The following ZNF563 variants were observed in gnomAD, a reference collection of about 807,000 sequenced individuals.
The protein encoded by ZNF563 is zinc finger protein 563.
In ZNF563, 39 loss-of-function variants were observed where a neutral mutation model predicts 48.5. That is an observed-to-expected ratio of 0.80 (90% confidence interval 0.62 to 1.05). The LOEUF is 1.05. Ranked by LOEUF, ZNF563 falls within the 50% of genes least tolerant of loss-of-function variation. The pLI is 0.00. For missense variants in ZNF563, 538 were observed against 597.0 expected, an observed-to-expected ratio of 0.90 and a Z score of 1.03; for synonymous variants, 168 against 187.9, an observed-to-expected ratio of 0.89 and a Z score of 0.87.
At chr19:12,322,742 G>A (rs767751249) in intron 1 of ZNF563, 31 bp from the exon 2 acceptor site, 2 of 1,557,556 alleles carry the variant, frequency 1.3e-6, no homozygotes, top group Admixed American at 4.0e-5. Flanking sequence ...AGAGGAGAAA[G>A]GTTGAGTGAC....
At chr19:12,321,592 G>A (rs1051445591) in intron 2 of ZNF563, among the ~76,000 whole-genome samples, 1 of 152,058 alleles carries the variant, frequency 6.6e-6, no homozygotes. Context: ...CTACAGATGC[G>A]TGCCACCACA....
upstream of ZNF563, among the ~76,000 whole-genome samples, chr19:12,337,168 A>T (rs1399522482): frequency 6.6e-6 from 1 of 152,076 alleles, no homozygotes; most frequent in Non-Finnish European, 1.5e-5. Flanking sequence ...TGTGTGAATA[A>T]TATTAATGTC....
the ZNF563 span, among the ~76,000 whole-genome samples, chr19:12,341,048 T>G: frequency 0.049 from 7,406 of 152,184 alleles, 591 homozygotes; most frequent in African/African-American, 0.17. Flanking sequence ...ATAAAACCTA[T>G]TATTTTTATT....
rs374824678 is a variant in ZNF563 at position 12,329,179 on chromosome 19, G to C, written c.3+4301C>G. Among the ~76,000 whole-genome samples, 49 of 152,190 alleles carry C rather than the reference G, an allele frequency of 3.2e-4. No individual in the cohort carries two copies. The South Asian group carries it at 7.9e-3, about 24-fold the overall frequency. On this transcript the variant is annotated intron_variant, in intron 1 of 3. Coordinates refer to ENST00000293725, the MANE Select transcript of ZNF563 (RefSeq NM_145276.3). ...TGAAATAGCAATCAAGAAATCAATA[G>C]AAAACATCAACAGGCTGGGCGCGTT...
upstream of ZNF563, among the ~76,000 whole-genome samples, chr19:12,337,560 T>C (rs1416760051): frequency 1.3e-5 from 2 of 152,190 alleles, no homozygotes; most frequent in African/African-American, 4.8e-5. Flanking sequence ...TTTTCTGGGG[T>C]ACTTTCATAC....
intron 3 of ZNF563, among the ~76,000 whole-genome samples, chr19:12,320,569 G>A (rs1055456844): frequency 3.3e-5 from 5 of 151,616 alleles, no homozygotes; most frequent in African/African-American, 9.7e-5. Context: ...GCGCAATCTC[G>A]GCTCACTGCA....
chr19:12,318,479 T>A lies in ZNF563; in HGVS notation c.*115A>T. 1.7e-6 allele frequency: 2 copies of A among 1,172,542 alleles called. No homozygotes were observed. Among genetic ancestry groups the A allele is most frequent in the South Asian group, 3.2e-5 (2 of 63,398 alleles). 72.6% of individuals were successfully genotyped at this position (1,172,542 alleles called of 1,614,324 possible). ...AGATATTTCATGATTTTGAAAGGAA[T>A]AAAAATTATGAAAGGCTTTCCCACA... is the stretch of plus-strand genomic sequence containing the variant. On this transcript the variant is annotated 3_prime_UTR_variant, in exon 4 of 4. Transcript: ENST00000293725.
chr19:12,318,684 C>T lies in ZNF563; in HGVS notation c.1341G>A (p.Gly447=), dbSNP rs1968498240. 6.2e-7 allele frequency: 1 copy of T among 1,614,092 alleles called. No homozygotes were observed. The highest frequency in any genetic ancestry group is 8.5e-7 in the Non-Finnish European group (1 of 1,180,014). Residue 447 remains glycine, a synonymous_variant, in exon 4 of 4, where the codon GGG becomes GGA. Coordinates refer to ENST00000293725, the MANE Select transcript of ZNF563 (RefSeq NM_145276.3). ...RRHMVMHTGD[G]PNKCKVCGKA... ...TCCCACATACCTTGCATTTATTCGG[C>T]CCATCTCCCGTATGCATTACCATAT...
At chr19:12,319,912 T>A in intron 3 of ZNF563, 79 bp from the exon 4 acceptor site, 2 of 1,397,424 alleles carry the variant, frequency 1.4e-6, no homozygotes, top group Non-Finnish European at 1.9e-6. Context: ...AGGTATTGGA[T>A]GTACTTTTTT....
At chr19:12,343,730 T>TC in the ZNF563 span, among the ~76,000 whole-genome samples, 1 of 142,174 alleles carries the variant, frequency 7.0e-6, no homozygotes, top group African/African-American at 2.6e-5. Flanking sequence ...AAATTCTTTT[T>TC]TTTTTTTTTT....
the ZNF563 span, among the ~76,000 whole-genome samples, chr19:12,342,216 C>T: frequency 6.6e-6 from 1 of 152,000 alleles, no homozygotes. Context: ...TGAGGTCTTA[C>T]TATGTTGCCC....
Position 12,322,637 on chromosome 19 carries a change from C to T in ZNF563, c.78G>A (p.Lys26=). 2.5e-6 allele frequency: 4 copies of T among 1,610,012 alleles called. No individual in the cohort carries two copies. The highest frequency in any genetic ancestry group is 1.1e-5 in the South Asian group (1 of 90,942). ...EEWALLGPSQ[K]NLYRYVMQET... ...CTTGCATCACATATCTGTATAAATT[C>T]TTCTGTGATGGACCCAGCAAAGCCC... The change falls in exon 2 of 4, where the codon AAG becomes AAA. Residue 26 remains lysine, a synonymous_variant. Transcript: ENST00000293725.
chr19:12,336,284 G>C (rs1969020079), upstream of ZNF563, among the ~76,000 whole-genome samples: 1 of 151,918 alleles, frequency 6.6e-6, no homozygotes, highest in Non-Finnish European at 1.5e-5. Flanking sequence ...AACACGGGGA[G>C]ATCTTGGTTC....
chr19:12,344,580 G>GA, the ZNF563 span, among the ~76,000 whole-genome samples: 2 of 152,002 alleles, frequency 1.3e-5, no homozygotes, highest in Admixed American at 1.3e-4. Context: ...TCCTTAATAG[G>GA]AAAAAAGTCA....
chr19:12,332,138 T>C (rs1471637878), intron 1 of ZNF563, among the ~76,000 whole-genome samples: 1 of 151,882 alleles, frequency 6.6e-6, no homozygotes, highest in Non-Finnish European at 1.5e-5. Context: ...CTGAGGACAG[T>C]GTAGAGTCTT....
At chr19:12,323,976 A>G (rs959734686) in intron 1 of ZNF563, among the ~76,000 whole-genome samples, 2 of 152,258 alleles carry the variant, frequency 1.3e-5, no homozygotes, top group Admixed American at 6.5e-5. Context: ...TCAATGAGAG[A>G]ATGTAATATT....
chr19:12,338,373 G>A (rs1969040109), upstream of ZNF563, among the ~76,000 whole-genome samples: 1 of 152,132 alleles, frequency 6.6e-6, no homozygotes, highest in South Asian at 2.1e-4. Flanking sequence ...TCAGCCTCCT[G>A]AGTAGCTGGG....
chr19:12,342,937 C>A, the ZNF563 span, among the ~76,000 whole-genome samples: 1 of 151,934 alleles, frequency 6.6e-6, no homozygotes, highest in Admixed American at 6.6e-5. Flanking sequence ...GTGGGTTACA[C>A]CTGTAATCCC....
At chr19:12,333,319 ACT>A (rs1968968524) in intron 1 of ZNF563, among the ~76,000 whole-genome samples, 159 bp downstream of exon 1, 1 of 152,184 alleles carries the variant, frequency 6.6e-6, no homozygotes, top group South Asian at 2.1e-4. Flanking sequence ...GCTCAGCCTC[ACT>A]CTGTGGCTGA....
Sources: gnomAD v4.1 joint callset for allele counts (sites outside exome capture counted in the v4.1 genomes callset) on GRCh38, gnomAD v4.1.1 for gene constraint, MANE v1.5 for transcripts, NCBI Gene and HGNC (gene_info 2026-07-23, HGNC 2026-07-21) for gene names.